The following CTTNBP2 variants were observed in gnomAD, a reference collection of about 807,000 sequenced individuals.
CTTNBP2 encodes cortactin binding protein 2.
In CTTNBP2, 108 loss-of-function variants were observed where a neutral mutation model predicts 156.9. That is an observed-to-expected ratio of 0.69 (90% CI 0.59 to 0.81). CTTNBP2 has a LOEUF of 0.81. Ranked by LOEUF, CTTNBP2 falls within the 30% of genes least tolerant of loss-of-function variation. The pLI is 0.00. For synonymous variants in CTTNBP2, 767 were observed against 751.8 expected, an observed-to-expected ratio of 1.02 and a Z score of -0.33; for missense variants, 1,924 against 2,035.4, an observed-to-expected ratio of 0.95 and a Z score of 1.05.
At chr7:117,808,247 A>C (rs1218573002) in intron 3 of CTTNBP2, among the ~76,000 whole-genome samples, 1 of 152,182 alleles carries the variant, frequency 6.6e-6, no homozygotes, top group Non-Finnish European at 1.5e-5. Context: ...TGTTCAAAGA[A>C]ATCAGAATGG....
intron 22 of CTTNBP2, 95 bp downstream of exon 22, chr7:117,717,923 A>G: frequency 1.3e-6 from 1 of 794,448 alleles, no homozygotes; most frequent in Non-Finnish European, 2.1e-6. Context: ...TTTGGTTTAA[A>G]AAAATAACTC....
chr7:117,809,744 G>A (rs1388271502), intron 3 of CTTNBP2, among the ~76,000 whole-genome samples: 13 of 152,120 alleles, frequency 8.5e-5, no homozygotes, highest in Non-Finnish European at 1.8e-4. Flanking sequence ...GAAAAGACAC[G>A]CATGAAATGA....
chr7:117,718,721 G>A (rs1226798087), intron 21 of CTTNBP2, among the ~76,000 whole-genome samples: 1 of 152,176 alleles, frequency 6.6e-6, no homozygotes, highest in Non-Finnish European at 1.5e-5. Context: ...TAGAGATTAT[G>A]ATGATATGCA....
chr7:117,724,086 A>G (rs1794951815), intron 19 of CTTNBP2, among the ~76,000 whole-genome samples: 1 of 152,126 alleles, frequency 6.6e-6, no homozygotes, highest in African/African-American at 2.4e-5. Flanking sequence ...AACCCAGCAC[A>G]TGGTACACGT....
intron 17 of CTTNBP2, among the ~76,000 whole-genome samples, chr7:117,725,705 T>C: frequency 6.6e-6 from 1 of 152,224 alleles, no homozygotes; most frequent in African/African-American, 2.4e-5. Flanking sequence ...TTTTTCTTTT[T>C]TTGAGACAGT....
chr7:117,728,913 C>T (rs1254396683), intron 16 of CTTNBP2, among the ~76,000 whole-genome samples: 1 of 152,196 alleles, frequency 6.6e-6, no homozygotes, highest in East Asian at 1.9e-4. Flanking sequence ...TCAGGCTTAA[C>T]ATTTCTGAAG....
At chr7:117,778,630 G>A (rs1314524924) in intron 7 of CTTNBP2, among the ~76,000 whole-genome samples, 2 of 152,068 alleles carry the variant, frequency 1.3e-5, no homozygotes, top group Non-Finnish European at 2.9e-5. Context: ...CTGACTTAAC[G>A]ACCCCTCCAG....
At chr7:117,830,164 T>C (rs192106533) in intron 2 of CTTNBP2, among the ~76,000 whole-genome samples, 12 of 152,344 alleles carry the variant, frequency 7.9e-5, no homozygotes, top group Middle Eastern at 3.4e-3. Context: ...GCAACAGTCT[T>C]AATTTTATTT....
intron 8 of CTTNBP2, among the ~76,000 whole-genome samples, chr7:117,772,146 C>A (rs1797830407): frequency 6.6e-6 from 1 of 152,126 alleles, no homozygotes; most frequent in Non-Finnish European, 1.5e-5. Flanking sequence ...AATTACATCA[C>A]CATGTTCACC....
chr7:117,728,429 T>C (rs1795224598), intron 16 of CTTNBP2, among the ~76,000 whole-genome samples, 162 bp from the exon 17 acceptor site: 1 of 152,218 alleles, frequency 6.6e-6, no homozygotes, highest in African/African-American at 2.4e-5. Flanking sequence ...ACACATACTA[T>C]AGTTGTGCAA....
chr7:117,832,307 G>A (rs1480755371), intron 2 of CTTNBP2, among the ~76,000 whole-genome samples: 2 of 152,070 alleles, frequency 1.3e-5, no homozygotes, highest in Non-Finnish European at 2.9e-5. Flanking sequence ...CTTTCACACT[G>A]ACACTTTCAG....
At chr7:117,849,271 C>A (rs921466069) in intron 2 of CTTNBP2, among the ~76,000 whole-genome samples, 2 of 152,198 alleles carry the variant, frequency 1.3e-5, no homozygotes, top group Admixed American at 6.5e-5. Context: ...TTTGGATCAG[C>A]GGTTCTCAAA....
intron 17 of CTTNBP2, among the ~76,000 whole-genome samples, chr7:117,727,570 G>C (rs1795161606): frequency 1.3e-5 from 2 of 152,174 alleles, no homozygotes; most frequent in South Asian, 2.1e-4. Flanking sequence ...AATCAAATCT[G>C]CTTGCTGGTC....
intron 6 of CTTNBP2, among the ~76,000 whole-genome samples, chr7:117,781,558 G>A (rs1452297735): frequency 1.3e-5 from 2 of 152,178 alleles, no homozygotes; most frequent in African/African-American, 4.8e-5. Context: ...GGCCAACACG[G>A]TGAAACCCGT....
At chr7:117,855,532 A>G (rs1397443291) in intron 2 of CTTNBP2, among the ~76,000 whole-genome samples, 7 of 152,164 alleles carry the variant, frequency 4.6e-5, no homozygotes, top group Non-Finnish European at 1.0e-4. Flanking sequence ...TGTTGTCACA[A>G]CCAAAGAGTT....
intron 16 of CTTNBP2, among the ~76,000 whole-genome samples, chr7:117,731,638 G>A (rs1215590338): frequency 6.6e-6 from 1 of 152,214 alleles, no homozygotes; most frequent in Non-Finnish European, 1.5e-5. Context: ...CTTAGTACTG[G>A]AGCTTGGTGT....
At chr7:117,836,161 C>A (rs777037658) in intron 2 of CTTNBP2, among the ~76,000 whole-genome samples, 6 of 152,160 alleles carry the variant, frequency 3.9e-5, no homozygotes, top group African/African-American at 1.4e-4. Context: ...CACCTTCTCA[C>A]GCTACTTCAA....
intron 2 of CTTNBP2, among the ~76,000 whole-genome samples, chr7:117,835,295 AC>A (rs1250891667): frequency 6.6e-6 from 1 of 152,218 alleles, no homozygotes; most frequent in Non-Finnish European, 1.5e-5. Flanking sequence ...TTAAGTTTAG[AC>A]CAAAGCTGAC....
chr7:117,853,341 T>G (rs1803051623), intron 2 of CTTNBP2, among the ~76,000 whole-genome samples: 1 of 152,208 alleles, frequency 6.6e-6, no homozygotes, highest in Admixed American at 6.5e-5. Flanking sequence ...CAAACAGAAT[T>G]ACTTATGCAA....
Sources: gnomAD v4.1 joint callset for allele counts (sites outside exome capture counted in the v4.1 genomes callset) on GRCh38, gnomAD v4.1.1 for gene constraint, MANE v1.5 for transcripts, NCBI Gene and HGNC (gene_info 2026-07-23, HGNC 2026-07-21) for gene names.